The following ATAD2B variants were observed in gnomAD, a reference collection of about 807,000 sequenced individuals.
ATAD2B encodes the protein ATPase family AAA domain containing 2B.
A neutral mutation model predicts 167.6 loss-of-function variants in ATAD2B; 40 were observed. The ratio of observed to expected loss-of-function variants is 0.24; its 90% CI spans 0.19 to 0.31. ATAD2B has a LOEUF of 0.31. Ranked by LOEUF, ATAD2B falls within the 10% of genes least tolerant of loss-of-function variation. The probability of loss-of-function intolerance (pLI) is 1.00; values close to 1 mark genes in which losing one functional copy is unlikely to be tolerated. For synonymous variants in ATAD2B, 579 were observed against 596.5 expected, an observed-to-expected ratio of 0.97 and a Z score of 0.43; for missense variants, 1,242 against 1,757.2, an observed-to-expected ratio of 0.71 and a Z score of 5.24.
At chr2:23,862,401 GTTTT>G (rs750865073) in intron 12 of ATAD2B, among the ~76,000 whole-genome samples, 12 of 99,438 alleles carry the variant, frequency 1.2e-4, no homozygotes, top group African/African-American at 2.4e-4. Context: ...ATTTGGACTG[GTTTT>G]TTTTTTTTTT....
the ATAD2B span, among the ~76,000 whole-genome samples, chr2:23,725,458 A>T: frequency 0.015 from 2,318 of 152,334 alleles, 24 homozygotes; most frequent in Middle Eastern, 0.034. Flanking sequence ...TTGGAAGCAA[A>T]AATTATAACC....
chr2:23,701,803 T>C, the ATAD2B span, among the ~76,000 whole-genome samples: 6 of 140,924 alleles, frequency 4.3e-5, no homozygotes, highest in East Asian at 2.1e-4. Flanking sequence ...CTTTTTTTTT[T>C]TTTTTTTTTT....
chr2:23,860,975 T>G (rs963848868), intron 12 of ATAD2B, among the ~76,000 whole-genome samples: 1 of 151,670 alleles, frequency 6.6e-6, no homozygotes, highest in Non-Finnish European at 1.5e-5. Context: ...CCATATCAAA[T>G]AAATAAATAA....
At chr2:23,851,829 AAAT>A (rs1264275481) in intron 13 of ATAD2B, among the ~76,000 whole-genome samples, 2 of 152,228 alleles carry the variant, frequency 1.3e-5, no homozygotes, top group African/African-American at 4.8e-5. Flanking sequence ...TTGGAAACAA[AAAT>A]AATAGTAGAA....
intron 12 of ATAD2B, among the ~76,000 whole-genome samples, chr2:23,858,769 T>A (rs903687653): frequency 1.3e-5 from 2 of 152,236 alleles, no homozygotes; most frequent in East Asian, 3.9e-4. Flanking sequence ...AGGTCTGAGA[T>A]ACTGTGTCCA....
chr2:23,788,421 C>A, intron 20 of ATAD2B, 91 bp downstream of exon 20: 1 of 1,409,288 alleles, frequency 7.1e-7, no homozygotes, highest in Non-Finnish European at 9.7e-7. Context: ...TCCTCACTTC[C>A]AAGAAGAAAG....
the ATAD2B span, chr2:23,684,514 G>A: frequency 6.5e-7 from 1 of 1,549,586 alleles, no homozygotes; most frequent in East Asian, 2.4e-5. This position sits in a 1 kb window ranked among gnomAD's most constrained non-coding sequence, Gnocchi z 4.4. Context: ...CCTGCAGCTT[G>A]TATTTCAAGG....
At chr2:23,762,092 A>T (rs1191400090) in intron 24 of ATAD2B, 117 bp downstream of exon 24, 1 of 1,045,678 alleles carries the variant, frequency 9.6e-7, no homozygotes, top group African/African-American at 1.6e-5. Context: ...CACCTCTGAA[A>T]AGAGATTAAA....
chr2:23,792,961 T>TGAAAA (rs1572773229), intron 19 of ATAD2B, among the ~76,000 whole-genome samples: 1 of 5,826 alleles, frequency 1.7e-4, no homozygotes, highest in African/African-American at 4.2e-4. Context: ...AGACTCTGTC[T>TGAAAA]CAAAAAAAAA....
At chr2:23,876,153 C>T (rs1257032201) in intron 7 of ATAD2B, among the ~76,000 whole-genome samples, 1 of 151,874 alleles carries the variant, frequency 6.6e-6, no homozygotes, top group Non-Finnish European at 1.5e-5. Flanking sequence ...GCCACCACGC[C>T]CAGCTAATTT....
intron 13 of ATAD2B, among the ~76,000 whole-genome samples, chr2:23,850,916 AT>A (rs2149896546): frequency 6.6e-6 from 1 of 152,256 alleles, no homozygotes; most frequent in East Asian, 1.9e-4. Context: ...TTGGGAGGTA[AT>A]TAGGACACAA....
In ATAD2B at chr2:23,823,419, A is replaced by C; in HGVS notation, c.1970T>G (p.Met657Arg). The C allele has an allele frequency of 6.2e-7, 1 of 1,613,978 alleles. No individual in the cohort carries two copies. The highest frequency in any genetic ancestry group is 8.5e-7 in the Non-Finnish European group (1 of 1,179,894). Residue 657 changes from methionine (M) to arginine (R), a missense_variant, in exon 16 of 28, where the codon ATG becomes AGG. Transcript: ENST00000238789. ...VLSAQDFYHA[M>R]QNIVPASQRA... The stretch of plus-strand genomic sequence containing the variant: ...TTGGGAAGCAGGCACGATATTCTGC[A>C]TTGCATGGTAAAAATCTTGGGCACT...
intron 7 of ATAD2B, among the ~76,000 whole-genome samples, chr2:23,879,980 C>G (rs1472576330): frequency 6.6e-6 from 1 of 151,516 alleles, no homozygotes; most frequent in East Asian, 1.9e-4. Flanking sequence ...ATTGCTTGAA[C>G]CCAGGAGGCA....
intron 8 of ATAD2B, among the ~76,000 whole-genome samples, chr2:23,875,343 T>C (rs544975348): frequency 4.6e-5 from 7 of 151,518 alleles, no homozygotes; most frequent in African/African-American, 1.7e-4. Flanking sequence ...CTACTAAAAA[T>C]ATGAAAATTA....
chr2:23,911,836 G>C (rs528715241), intron 1 of ATAD2B, among the ~76,000 whole-genome samples: 204 of 152,114 alleles, frequency 1.3e-3, no homozygotes, highest in African/African-American at 4.6e-3. Flanking sequence ...TTAGCCAGGT[G>C]TGGTGGTGCA....
At chr2:23,801,775 A>C (rs930619819) in intron 18 of ATAD2B, among the ~76,000 whole-genome samples, 2 of 152,114 alleles carry the variant, frequency 1.3e-5, no homozygotes, top group Non-Finnish European at 2.9e-5. Flanking sequence ...AAGATATTAA[A>C]GGCAAAAATC....
chr2:23,680,735 C>A, the ATAD2B span, among the ~76,000 whole-genome samples: 1 of 151,666 alleles, frequency 6.6e-6, no homozygotes, highest in Admixed American at 6.6e-5. This position sits in a 1 kb window ranked among gnomAD's most constrained non-coding sequence, Gnocchi z 4.1. Flanking sequence ...AGGCCATCTT[C>A]CCCTGGGGTC....
chr2:23,696,739 G>A, the ATAD2B span: 3 of 482,326 alleles, frequency 6.2e-6, no homozygotes, highest in Non-Finnish European at 1.1e-5. This position sits in a 1 kb window ranked among gnomAD's most constrained non-coding sequence, Gnocchi z 5.5. Flanking sequence ...TCGCTGAGAT[G>A]GGAGATGGGG....
At chr2:23,809,118 T>C (rs1685129893) in intron 18 of ATAD2B, 1 of 152,190 alleles carries the variant, frequency 6.6e-6, no homozygotes, top group Middle Eastern at 3.2e-3. Flanking sequence ...ATCATTTGTA[T>C]TTATTTTAAA....
Sources: gnomAD v4.1 joint callset for allele counts (sites outside exome capture counted in the v4.1 genomes callset) on GRCh38, gnomAD v4.1.1 for gene constraint, Gnocchi (gnomAD v3.1) non-coding constraint, MANE v1.5 for transcripts, NCBI Gene and HGNC (gene_info 2026-07-23, HGNC 2026-07-21) for gene names.